NRG3: variants seen among roughly 807,000 people sequenced by gnomAD.
NRG3 encodes pro-neuregulin-3, membrane-bound isoform.
Under a neutral mutation model 66.9 loss-of-function variants are expected in NRG3, and 31 were observed. The ratio of observed to expected loss-of-function variants is 0.46; its 90% CI spans 0.35 to 0.63. The LOEUF (loss-of-function observed/expected upper bound fraction) is 0.63. Ranked by LOEUF, NRG3 falls within the 20% of genes least tolerant of loss-of-function variation. NRG3 has a pLI of 0.00. For missense variants in NRG3, 910 were observed against 878.9 expected (o/e 1.04, Z -0.45); for synonymous variants, 393 against 359.4 (o/e 1.09, Z -1.06).
chr10:82,977,401 G>A (rs1016041068), intron 7 of NRG3, among the ~76,000 whole-genome samples: 11 of 152,018 alleles, frequency 7.2e-5, no homozygotes, highest in African/African-American at 2.7e-4. Flanking sequence ...CTGAGGTCAG[G>A]AGTTTGAGAC....
intron 1 of NRG3, among the ~76,000 whole-genome samples, chr10:82,106,600 G>A (rs2067076442): frequency 6.6e-6 from 1 of 151,716 alleles, no homozygotes; most frequent in Admixed American, 6.6e-5. Context: ...CCGCCTCCTG[G>A]GTTCAAGTGA....
intron 1 of NRG3, among the ~76,000 whole-genome samples, chr10:82,345,638 T>C (rs2082966597): frequency 6.6e-6 from 1 of 151,598 alleles, no homozygotes; most frequent in Admixed American, 6.6e-5. Context: ...GCATTGAATC[T>C]ATAAATTACC....
At chr10:82,380,322 A>C (rs543795909) in intron 2 of NRG3, among the ~76,000 whole-genome samples, 18 of 152,112 alleles carry the variant, frequency 1.2e-4, no homozygotes, top group South Asian at 4.1e-4. Flanking sequence ...ATTACTCTTG[A>C]GTTATTGGAA....
intron 1 of NRG3, among the ~76,000 whole-genome samples, chr10:82,049,113 G>A (rs1291763015): frequency 2.0e-5 from 3 of 152,034 alleles, no homozygotes; most frequent in Admixed American, 1.3e-4. Flanking sequence ...CATCTGACAT[G>A]CTTTTTCATT....
chr10:82,086,951 C>G (rs1178973508), intron 1 of NRG3, among the ~76,000 whole-genome samples: 1 of 152,072 alleles, frequency 6.6e-6, no homozygotes, highest in South Asian at 2.1e-4. Context: ...TAAGGCTTAG[C>G]ACAGGTGAAC....
chr10:82,434,721 G>A (rs970388453), intron 2 of NRG3, among the ~76,000 whole-genome samples: 1 of 152,106 alleles, frequency 6.6e-6, no homozygotes, highest in African/African-American at 2.4e-5. Flanking sequence ...TTTTGTCATT[G>A]GTTCTGTTTA....
chr10:82,984,943 A>T, intron 8 of NRG3, 155 bp from the exon 9 acceptor site: 1 of 1,245,922 alleles, frequency 8.0e-7, no homozygotes, highest in Non-Finnish European at 1.2e-6. Flanking sequence ...GCTTCAGTTT[A>T]CTTCTCTGTT....
chr10:82,769,040 T>A lies in NRG3; in HGVS notation c.1027+30390T>A, dbSNP rs186270650. Among the ~76,000 whole-genome samples the A allele has an allele frequency of 2.3e-3, 348 of 152,288 alleles. 1 individual carries two copies. The highest frequency in any genetic ancestry group is 4.0e-3 in the Non-Finnish European group (274 of 68,000). ...AAAATTGTCAGTAGTTTTATCATCA[T>A]CTTTGTCAGTCTTTGACGACTACAG... is the stretch of plus-strand genomic sequence containing the variant. On this transcript the variant is annotated intron_variant, in intron 3 of 8. Transcript: ENST00000372141.
At chr10:82,860,033 GT>G (rs2064034218) in intron 3 of NRG3, among the ~76,000 whole-genome samples, 1 of 152,232 alleles carries the variant, frequency 6.6e-6, no homozygotes, top group African/African-American at 2.4e-5. Flanking sequence ...TATGTTGCTA[GT>G]TGTAAGATCA....
At chr10:82,933,209 T>C (rs971352105) in intron 4 of NRG3, among the ~76,000 whole-genome samples, 6 of 152,182 alleles carry the variant, frequency 3.9e-5, no homozygotes, top group African/African-American at 1.4e-4. Flanking sequence ...AGTCAACTTG[T>C]GTTGACAGAG....
intron 2 of NRG3, among the ~76,000 whole-genome samples, chr10:82,496,248 G>C (rs1843623225): frequency 1.3e-5 from 2 of 152,306 alleles, no homozygotes; most frequent in Non-Finnish European, 2.9e-5. Context: ...GAGAGAAAAA[G>C]TAATTGGCCT....
chr10:82,150,528 CACAAAAAAAAAAAA>C (rs1334906429), intron 1 of NRG3, among the ~76,000 whole-genome samples: 1 of 51,738 alleles, frequency 1.9e-5, no homozygotes, highest in Non-Finnish European at 3.6e-5. Context: ...AAAGAGCACA[CACAAAAAAAAAAAA>C]AAAAAAAAAA....
At chr10:82,039,642 G>A (rs2062943488) in intron 1 of NRG3, among the ~76,000 whole-genome samples, 1 of 152,086 alleles carries the variant, frequency 6.6e-6, no homozygotes, top group Admixed American at 6.6e-5. Context: ...GCTTCACTGG[G>A]CTTTTCCAAA....
At chr10:82,867,704 CAGA>C (rs1840891269) in intron 4 of NRG3, among the ~76,000 whole-genome samples, 1 of 152,084 alleles carries the variant, frequency 6.6e-6, no homozygotes, top group East Asian at 1.9e-4. Context: ...ATTGAGAATG[CAGA>C]AGGTGTGTTG....
chr10:82,966,776 G>C (rs958258228), intron 6 of NRG3, among the ~76,000 whole-genome samples: 5 of 152,012 alleles, frequency 3.3e-5, no homozygotes, highest in African/African-American at 1.2e-4. Context: ...TAAACTCATG[G>C]ATACTATTTT....
chr10:82,521,031 C>T (rs1353919721), intron 2 of NRG3, among the ~76,000 whole-genome samples: 1 of 152,122 alleles, frequency 6.6e-6, no homozygotes, highest in Non-Finnish European at 1.5e-5. Context: ...AATACAGGTA[C>T]ACCTCAAAAG....
intron 1 of NRG3, among the ~76,000 whole-genome samples, chr10:82,086,908 G>A (rs1197255366): frequency 6.6e-6 from 1 of 152,136 alleles, no homozygotes; most frequent in Non-Finnish European, 1.5e-5. Flanking sequence ...TCTGACAATA[G>A]TAAGGGAAGG....
At chr10:82,308,968 A>T (rs1312021673) in intron 1 of NRG3, among the ~76,000 whole-genome samples, 1 of 152,156 alleles carries the variant, frequency 6.6e-6, no homozygotes, top group Non-Finnish European at 1.5e-5. Context: ...TATAAACAAG[A>T]CTTATCACTG....
At chr10:82,395,272 T>C (rs1461730426) in intron 2 of NRG3, among the ~76,000 whole-genome samples, 1 of 152,212 alleles carries the variant, frequency 6.6e-6, no homozygotes, top group African/African-American at 2.4e-5. Flanking sequence ...TGCACGTTAT[T>C]GTGGTAATAG....
Sources: allele counts gnomAD v4.1 joint callset (sites outside exome capture counted in the v4.1 genomes callset), GRCh38; gene constraint gnomAD v4.1.1; transcripts MANE v1.5; gene names NCBI Gene and HGNC (gene_info 2026-07-23, HGNC 2026-07-21).